The following CIT variants were observed in gnomAD, a reference collection of about 807,000 sequenced individuals.
CIT encodes citron rho-interacting serine/threonine kinase.
In CIT, 79 loss-of-function variants were observed where a neutral mutation model predicts 272.7. That is an observed-to-expected ratio of 0.29 (90% CI 0.24 to 0.35). The LOEUF is 0.35. CIT is among the 10% of genes least tolerant of loss of function. CIT has a pLI of 1.00. For missense variants in CIT, 1,909 were observed against 2,618.3 expected, an observed-to-expected ratio of 0.73 and a Z score of 5.91; for synonymous variants, 948 against 995.6, an observed-to-expected ratio of 0.95 and a Z score of 0.90.
intron 28 of CIT, among the ~76,000 whole-genome samples, chr12:119,727,753 AC>A (rs139705018): frequency 0.03 from 4,642 of 152,210 alleles, 89 homozygotes; most frequent in African/African-American, 0.038. Flanking sequence ...ACATGGGGAA[AC>A]CCCATCTCTA....
intron 5 of CIT, among the ~76,000 whole-genome samples, chr12:119,849,932 C>A (rs1393377899): frequency 6.6e-6 from 1 of 152,162 alleles, no homozygotes; most frequent in Non-Finnish European, 1.5e-5. Flanking sequence ...GTGATCCACC[C>A]GCCTCGGCCT....
At chr12:119,726,085 C>T (rs1448880885) in intron 28 of CIT, among the ~76,000 whole-genome samples, 4 of 151,930 alleles carry the variant, frequency 2.6e-5, no homozygotes, top group Non-Finnish European at 5.9e-5. Context: ...AAATACACGA[C>T]ATAAAATTTA....
In CIT at chr12:119,698,264, A is replaced by T. The variant is rs1293377651; in HGVS notation, c.5624-210T>A. ...TACAGCAGAAGATGGAAAACAACTC[A>T]AGTGTACAGTGTAGGGATTGGCTAA... On this transcript the variant is annotated intron_variant, in intron 44 of 47. Coordinates refer to ENST00000392521, the MANE Select transcript of CIT (RefSeq NM_001206999.2). 33 of 612,058 alleles carry T rather than the reference A, an allele frequency of 5.4e-5. No homozygotes were observed. In the Admixed American group the frequency reaches 8.0e-4, roughly 15 times the overall value. 37.9% of individuals were successfully genotyped at this position (612,058 alleles called of 1,614,324 possible). A position where few individuals can be genotyped will look rare whatever the true frequency, so the allele number is the denominator to read the frequency against.
At position 119,688,199 on chromosome 12, in the gene CIT, T is replaced by A. The variant is rs778614412; in HGVS notation, c.*33A>T. 28 of 1,607,380 alleles carry A rather than the reference T, an allele frequency of 1.7e-5. No homozygotes were observed. The East Asian group carries it at 6.2e-4, about 36-fold the overall frequency. On this transcript the variant is annotated 3_prime_UTR_variant, in exon 48 of 48. Transcript: ENST00000392521. ...AGTGTGTTTGGTGTTTTCCTGCAGA[T>A]CAAGATGAGGAGTTGGTTTTTCTGG...
intron 10 of CIT, among the ~76,000 whole-genome samples, chr12:119,789,689 TTTC>T (rs1200334423): frequency 2.0e-5 from 3 of 152,162 alleles, no homozygotes; most frequent in Middle Eastern, 6.8e-3. Flanking sequence ...TTTCTAAGAT[TTTC>T]TTTTTTTGTT....
chr12:119,810,205 C>T (rs1966818384), intron 9 of CIT, among the ~76,000 whole-genome samples: 1 of 152,162 alleles, frequency 6.6e-6, no homozygotes, highest in Non-Finnish European at 1.5e-5. Context: ...GAGACCTCCA[C>T]CTGTGGGATT....
At chr12:119,706,340 T>G (rs1464820131) in intron 40 of CIT, among the ~76,000 whole-genome samples, 1 of 152,186 alleles carries the variant, frequency 6.6e-6, no homozygotes, top group East Asian at 1.9e-4. Flanking sequence ...GTTGTATCAA[T>G]AAACTCATGT....
chr12:119,762,688 G>C (rs1961954169), intron 19 of CIT, among the ~76,000 whole-genome samples: 1 of 152,324 alleles, frequency 6.6e-6, no homozygotes, highest in Non-Finnish European at 1.5e-5. Flanking sequence ...CTTTGGTCAA[G>C]AAGGATACCA....
At chr12:119,737,736 C>G (rs1958854705) in intron 24 of CIT, among the ~76,000 whole-genome samples, 1 of 152,142 alleles carries the variant, frequency 6.6e-6, no homozygotes, top group Non-Finnish European at 1.5e-5. Flanking sequence ...CTATTTTGCC[C>G]ATTTGACAAG....
rs370317293 is a variant in CIT at position 119,707,711 on chromosome 12, A to G, written c.5211+468T>C. On this transcript the variant is annotated intron_variant, in intron 40 of 47. Coordinates refer to ENST00000392521, the MANE Select transcript of CIT (RefSeq NM_001206999.2). Reference sequence around the variant, plus strand: ...GAGACAGGGTTTCACCATGTTGGCCAGGATGGTCTTGATCTCTTGACCTCG... The same window carrying G: ...GAGACAGGGTTTCACCATGTTGGCCGGGATGGTCTTGATCTCTTGACCTCG... Among the ~76,000 whole-genome samples the G allele has an allele frequency of 1.2e-4, 18 of 152,208 alleles. No homozygotes were observed. In the East Asian group the frequency reaches 1.7e-3, roughly 15 times the overall value.
rs61473071 is a variant in CIT, at chr12:119,756,517, T to C, written c.2706+854A>G. 4.1e-3 allele frequency among the ~76,000 whole-genome samples: 626 copies of C among 152,312 alleles called. 3 individuals carry two copies. Among genetic ancestry groups the C allele is most frequent in the African/African-American group, 0.015 (603 of 41,568 alleles). ...ATGCAGATGAAGGGATAGTCCCTCC[T>C]TGGCCCGCGGCCCATCCAAGGTGCT... is the stretch of plus-strand genomic sequence containing the variant. On this transcript the variant is annotated intron_variant, in intron 22 of 47. Coordinates refer to ENST00000392521, the MANE Select transcript of CIT (RefSeq NM_001206999.2).
At chr12:119,869,354 G>A (rs942496871) in intron 2 of CIT, among the ~76,000 whole-genome samples, 153 bp from the exon 3 acceptor site, 6 of 152,148 alleles carry the variant, frequency 3.9e-5, no homozygotes, top group Non-Finnish European at 5.9e-5. Context: ...TTAAAGCAAC[G>A]TCAACTGACA....
chr12:119,798,418 TCA>T (rs1491340012), intron 10 of CIT, among the ~76,000 whole-genome samples: 1 of 152,194 alleles, frequency 6.6e-6, no homozygotes, highest in Non-Finnish European at 1.5e-5. Flanking sequence ...TCCCCACGCC[TCA>T]GTTTCCTCAC....
rs76972549 is a variant in CIT, at chr12:119,725,932, C to A, written c.3591+2570G>T. Among the ~76,000 whole-genome samples, 60 of 152,262 alleles carry A rather than the reference C, an allele frequency of 3.9e-4. 1 individual carries two copies. The East Asian group carries it at 0.011, about 28-fold the overall frequency. ...AAGACCCTAATTCTCTATTTGACCA[C>A]GAGGTACATTTAACATTTCCACTGT... On this transcript the variant is annotated intron_variant, in intron 28 of 47. Coordinates refer to ENST00000392521, the MANE Select transcript of CIT (RefSeq NM_001206999.2).
intron 28 of CIT, among the ~76,000 whole-genome samples, chr12:119,727,108 C>T (rs1958158243): frequency 6.6e-6 from 1 of 152,182 alleles, no homozygotes; most frequent in African/African-American, 2.4e-5. Context: ...ACTCAATATT[C>T]ATTCACCCAT....
At chr12:119,688,998 AAAAAAT>A (rs1246331963) in intron 47 of CIT, among the ~76,000 whole-genome samples, 1 of 119,636 alleles carries the variant, frequency 8.4e-6, no homozygotes, top group Non-Finnish European at 1.6e-5. Context: ...ATGTCTCTAA[AAAAAAT>A]AAAAAGGGCC....
In CIT at chr12:119,865,753, C is replaced by T. The variant is rs570678844; in HGVS notation, c.238+3307G>A. 3.3e-5 allele frequency among the ~76,000 whole-genome samples: 5 copies of T among 151,872 alleles called. No individual in the cohort carries two copies. In the South Asian group the frequency reaches 8.3e-4, roughly 25 times the overall value. ...AGTGTGGTGGTGCACGCCTGTAGTC[C>T]CAGCTACTGAGGAGGCTGAGGCAGG... is the stretch of plus-strand genomic sequence containing the variant. On this transcript the variant is annotated intron_variant, in intron 3 of 47. Coordinates refer to ENST00000392521, the MANE Select transcript of CIT (RefSeq NM_001206999.2).
rs9738242 is a variant in CIT, at chr12:119,701,060, G to A, written c.5543-235C>T. On this transcript the variant is annotated intron_variant, in intron 43 of 47. Transcript: ENST00000392521. ...ATTTTATTAAAGAAAGAGAACTCAA[G>A]TGAAAAGAAGGAAAGGAATAAGAGG... 0.028 allele frequency: 6,936 copies of A among 243,640 alleles called. 478 individuals carry two copies. Among genetic ancestry groups the A allele is most frequent in the African/African-American group, 0.15 (6,498 of 43,490 alleles). 15.1% of individuals were successfully genotyped at this position (243,640 alleles called of 1,614,324 possible).
At chr12:119,826,250 C>T (rs1193929767) in intron 7 of CIT, among the ~76,000 whole-genome samples, 1 of 152,150 alleles carries the variant, frequency 6.6e-6, no homozygotes, top group Non-Finnish European at 1.5e-5. Flanking sequence ...TTCCTCACCC[C>T]TAACCCTTGT....
Sources: allele counts gnomAD v4.1 joint callset (sites outside exome capture counted in the v4.1 genomes callset), GRCh38; gene constraint gnomAD v4.1.1; transcripts MANE v1.5; gene names NCBI Gene and HGNC (gene_info 2026-07-23, HGNC 2026-07-21).